Variants in NELL1 observed in about 807,000 individuals in gnomAD.
The protein encoded by NELL1 is neural EGFL like 1, also known as protein kinase C-binding protein NELL1.
Under a neutral mutation model 107.4 loss-of-function variants are expected in NELL1, and 76 were observed. That is an observed-to-expected ratio of 0.71 (90% CI 0.59 to 0.86). The LOEUF (loss-of-function observed/expected upper bound fraction) is 0.86, where lower values mean the gene tolerates loss of function less well. NELL1 is among the 40% of genes least tolerant of loss of function. The pLI is 0.00. For synonymous variants in NELL1, 353 were observed against 341.2 expected (o/e 1.03, Z -0.38); for missense variants, 1,024 against 1,005.5 (o/e 1.02, Z -0.25).
At chr11:21,239,688 T>G (rs563418929) in intron 14 of NELL1, among the ~76,000 whole-genome samples, 1 of 152,014 alleles carries the variant, frequency 6.6e-6, no homozygotes, top group Admixed American at 6.6e-5. Context: ...TTTTCTCCAC[T>G]TCTACACATT....
chr11:20,933,723 G>A (rs1850664459), intron 9 of NELL1, among the ~76,000 whole-genome samples: 1 of 152,196 alleles, frequency 6.6e-6, no homozygotes, highest in Non-Finnish European at 1.5e-5. Flanking sequence ...ACATCTGACA[G>A]GGATGTCAAG....
At chr11:20,944,419 C>T (rs1047970457) in intron 10 of NELL1, among the ~76,000 whole-genome samples, 2 of 152,012 alleles carry the variant, frequency 1.3e-5, no homozygotes, top group African/African-American at 4.8e-5. Context: ...TTTCTTTATC[C>T]TAGCAACAAT....
intron 12 of NELL1, among the ~76,000 whole-genome samples, chr11:21,104,655 C>G (rs770085938): frequency 1.3e-5 from 2 of 152,138 alleles, no homozygotes; most frequent in Non-Finnish European, 2.9e-5. Context: ...AATATTTGAT[C>G]TGGTAATCAA....
At chr11:21,279,418 A>C (rs1315559571) in intron 14 of NELL1, among the ~76,000 whole-genome samples, 2 of 152,216 alleles carry the variant, frequency 1.3e-5, no homozygotes, top group Non-Finnish European at 2.9e-5. Context: ...TTAAACTGAC[A>C]AAAAGCAAAT....
intron 5 of NELL1, among the ~76,000 whole-genome samples, chr11:20,911,411 T>A (rs549164274): frequency 1.9e-4 from 29 of 152,320 alleles, no homozygotes; most frequent in African/African-American, 6.7e-4. Flanking sequence ...ATTAAGTAAG[T>A]TGCCAACCTT....
At chr11:20,913,657 G>A (rs528374124) in intron 5 of NELL1, among the ~76,000 whole-genome samples, 2 of 151,990 alleles carry the variant, frequency 1.3e-5, no homozygotes, top group African/African-American at 4.8e-5. Context: ...GTGGCAACAG[G>A]TGGATTAAAC....
At position 20,915,717 on chromosome 11, in the gene NELL1, A is replaced by ATATATATATATATATATTTTTTTTTT; in HGVS notation, c.604-2464_604-2463insATATATATATATATATTTTTTTTTTT. The stretch of plus-strand genomic sequence containing the variant: ...TCATAGATGATATATATATATATAT[A>ATATATATATATATATATTTTTTTTTT]TTTTTTTTTTTTTTTTTTGAGAGGA... On this transcript the variant is annotated intron_variant, in intron 5 of 19. Coordinates refer to ENST00000357134, the MANE Select transcript of NELL1 (RefSeq NM_006157.5). Among the ~76,000 whole-genome samples, 28 of 58,212 alleles carry ATATATATATATATATATTTTTTTTTT rather than the reference A, an allele frequency of 4.8e-4. 1 individual carries two copies. Among genetic ancestry groups the ATATATATATATATATATTTTTTTTTT allele is most frequent in the African/African-American group, 2.2e-3 (25 of 11,316 alleles). 38.2% of individuals were successfully genotyped at this position (58,212 alleles called of 152,430 possible). A position where few individuals can be genotyped will look rare whatever the true frequency, so the allele number is the denominator to read the frequency against.
intron 14 of NELL1, among the ~76,000 whole-genome samples, chr11:21,292,332 C>T (rs1849287195): frequency 2.0e-5 from 3 of 152,144 alleles, no homozygotes; most frequent in Admixed American, 2.0e-4. Flanking sequence ...TTCACAATTG[C>T]TACCAAGAGA....
rs1372972872 is a variant in NELL1 at position 20,684,848 on chromosome 11, C to CTCTA, written c.184+6789_184+6792dup. 2.6e-5 allele frequency among the ~76,000 whole-genome samples: 4 copies of CTCTA among 152,188 alleles called. No homozygotes were observed. The South Asian group carries it at 6.2e-4, about 24-fold the overall frequency. Reference sequence around the variant, plus strand: ...CACTGAGGCAAGATCCTTCAGCGTACTCTACCCAGTGACTGATAAGTCATG... The same window carrying CTCTA: ...CACTGAGGCAAGATCCTTCAGCGTACTCTATCTACCCAGTGACTGATAAGTCATG... On this transcript the variant is annotated intron_variant, in intron 2 of 19. Coordinates refer to ENST00000357134, the MANE Select transcript of NELL1 (RefSeq NM_006157.5).
chr11:20,796,550 A>G (rs1331426950), intron 3 of NELL1, among the ~76,000 whole-genome samples: 1 of 10,070 alleles, frequency 9.9e-5, no homozygotes, highest in Admixed American at 2.4e-3. Flanking sequence ...CTTGCCCTAA[A>G]AAATCTATCC....
intron 14 of NELL1, among the ~76,000 whole-genome samples, chr11:21,325,565 T>G (rs1850112732): frequency 6.6e-6 from 1 of 152,070 alleles, no homozygotes; most frequent in East Asian, 1.9e-4. Flanking sequence ...GATTGATTTT[T>G]TTCCCCATTT....
intron 2 of NELL1, among the ~76,000 whole-genome samples, chr11:20,692,983 A>G (rs1157384992): frequency 2.0e-5 from 3 of 152,240 alleles, no homozygotes; most frequent in African/African-American, 7.2e-5. Flanking sequence ...TATTGGGTGC[A>G]TATATATTTA....
chr11:21,559,301 C>T (rs963685418), intron 16 of NELL1, among the ~76,000 whole-genome samples: 3 of 151,990 alleles, frequency 2.0e-5, no homozygotes, highest in African/African-American at 7.2e-5. Context: ...TATATTTCAT[C>T]TCAATTTAAG....
At chr11:20,964,374 A>C (rs561689709) in intron 12 of NELL1, among the ~76,000 whole-genome samples, 6 of 152,314 alleles carry the variant, frequency 3.9e-5, no homozygotes, top group Admixed American at 3.9e-4. Flanking sequence ...ATGTAATATC[A>C]TACACATCAT....
chr11:21,293,216 T>TA (rs1403558386), intron 14 of NELL1, among the ~76,000 whole-genome samples: 3 of 151,638 alleles, frequency 2.0e-5, no homozygotes, highest in Non-Finnish European at 4.4e-5. Context: ...ACAAGGAACT[T>TA]AAACAAATTT....
chr11:20,894,761 C>G (rs1406275698), intron 5 of NELL1, among the ~76,000 whole-genome samples: 1 of 152,114 alleles, frequency 6.6e-6, no homozygotes, highest in Non-Finnish European at 1.5e-5. Context: ...AGAAAGAATA[C>G]TCTAGGTACC....
intron 13 of NELL1, among the ~76,000 whole-genome samples, chr11:21,178,747 G>C (rs575644916): frequency 6.7e-6 from 1 of 148,690 alleles, no homozygotes; most frequent in South Asian, 2.1e-4. Flanking sequence ...CTTGGGGACA[G>C]AGTGAGAACT....
At chr11:20,867,818 G>A (rs564207213) in intron 4 of NELL1, among the ~76,000 whole-genome samples, 3 of 152,298 alleles carry the variant, frequency 2.0e-5, no homozygotes, top group East Asian at 3.9e-4. Flanking sequence ...TGGATACAGA[G>A]GAGCAACCAA....
chr11:20,922,492 G>T (rs183181807), intron 7 of NELL1, among the ~76,000 whole-genome samples: 4 of 152,186 alleles, frequency 2.6e-5, no homozygotes, highest in East Asian at 3.9e-4. Flanking sequence ...AGGAGATGGA[G>T]TCTGGAAATG....
Sources: gnomAD v4.1 joint callset for allele counts (sites outside exome capture counted in the v4.1 genomes callset) on GRCh38, gnomAD v4.1.1 for gene constraint, MANE v1.5 for transcripts, NCBI Gene and HGNC (gene_info 2026-07-23, HGNC 2026-07-21) for gene names.